PPP2R3A: variants seen among roughly 807,000 people sequenced by gnomAD.
The protein encoded by PPP2R3A is protein phosphatase 2 regulatory subunit B''alpha, also known as serine/threonine-protein phosphatase 2A regulatory subunit B'' subunit alpha.
In PPP2R3A, 80 loss-of-function variants were observed where a neutral mutation model predicts 106.9. That is an observed-to-expected ratio of 0.75 (90% confidence interval 0.62 to 0.90). The LOEUF is 0.90. Ranked by LOEUF, PPP2R3A falls within the 40% of genes least tolerant of loss-of-function variation. PPP2R3A has a pLI of 0.00. For synonymous variants in PPP2R3A, 483 were observed against 468.3 expected (o/e 1.03, Z -0.41); for missense variants, 1,386 against 1,350.4 (o/e 1.03, Z -0.41).
In PPP2R3A at chr3:136,002,273, G is replaced by A. The variant is rs1933657441; in HGVS notation, c.775G>A (p.Gly259Arg). Residue 259 changes from glycine to arginine, a missense_variant, in exon 2 of 14, where the codon GGG (glycine) becomes AGG (arginine). Physicochemically the swap from Gly to Arg is moderately radical, Grantham distance 125. Transcript: ENST00000264977. ...AAAACAATGCATAAAGAAAAAATCA[G>A]GGAGTAGCATCAGTGAAGGAAGTGG... ...IIKQCIKKKSGSSISEGSGND... is the reference protein window; with the variant it reads ...IIKQCIKKKSRSSISEGSGND... 1 of 1,613,870 alleles carries A rather than the reference G, an allele frequency of 6.2e-7. No individual in the cohort carries two copies.
At chr3:136,118,323 C>T (rs1282342324) in intron 13 of PPP2R3A, among the ~76,000 whole-genome samples, 1 of 152,150 alleles carries the variant, frequency 6.6e-6, no homozygotes, top group Non-Finnish European at 1.5e-5. Context: ...CAGCACGAGA[C>T]AAGGATGTCC....
intron 5 of PPP2R3A, among the ~76,000 whole-genome samples, chr3:136,053,413 C>T (rs1266550851): frequency 6.6e-6 from 1 of 151,518 alleles, no homozygotes. Context: ...AAAACCACAA[C>T]CCAGAATCAG....
chr3:136,043,146 C>G (rs1935347215), intron 4 of PPP2R3A, among the ~76,000 whole-genome samples: 1 of 151,648 alleles, frequency 6.6e-6, no homozygotes, highest in African/African-American at 2.4e-5. Flanking sequence ...AAAAAAGAGT[C>G]AAATATAAAA....
chr3:135,983,881 G>A (rs1234672825), intron 1 of PPP2R3A, among the ~76,000 whole-genome samples: 2 of 152,164 alleles, frequency 1.3e-5, no homozygotes, highest in Non-Finnish European at 2.9e-5. Flanking sequence ...TCAGAGAGAG[G>A]TAGCACTTAA....
intron 2 of PPP2R3A, among the ~76,000 whole-genome samples, chr3:136,006,142 G>C (rs1053144318): frequency 6.6e-6 from 1 of 152,146 alleles, no homozygotes; most frequent in African/African-American, 2.4e-5. Flanking sequence ...TTTTTGACAA[G>C]TAATGGACTG....
chr3:136,005,325 A>T (rs746925673), intron 2 of PPP2R3A, among the ~76,000 whole-genome samples: 2 of 152,096 alleles, frequency 1.3e-5, no homozygotes, highest in Non-Finnish European at 2.9e-5. Flanking sequence ...AATCTAAAAC[A>T]CTTCTAGTCA....
intron 2 of PPP2R3A, among the ~76,000 whole-genome samples, chr3:136,008,361 C>T (rs1933917891): frequency 6.6e-6 from 1 of 152,170 alleles, no homozygotes; most frequent in South Asian, 2.1e-4. Flanking sequence ...TTCTCTCCTC[C>T]TCTCAATTGC....
chr3:136,070,566 TC>T lies in PPP2R3A; in HGVS notation c.2544+15del. 1 of 1,592,128 alleles carries T rather than the reference TC, an allele frequency of 6.3e-7. No individual in the cohort carries two copies. On this transcript the variant is annotated intron_variant, in intron 6 of 13. Transcript: ENST00000264977. ...TACATCACCACGGTAGGCTGAGTCA[TC>T]TTTTTTCTTAATATAACTCCATAAG...
chr3:136,082,308 C>T lies in PPP2R3A; in HGVS notation c.2675C>T (p.Thr892Ile). The change falls in exon 8 of 14, where the codon ACA becomes ATA. Residue 892 changes from threonine to isoleucine, a missense_variant. Physicochemically the swap from Thr to Ile is moderately conservative, Grantham distance 89. Coordinates refer to ENST00000264977, the MANE Select transcript of PPP2R3A (RefSeq NM_002718.5). ...GAAGAGGAAGATATAAACCAAATTA[C>T]AGATTACTTCTCCTATGAACATTTC... is the stretch of plus-strand genomic sequence containing the variant. The part of the protein sequence containing the change: ...LEEEEDINQI[T>I]DYFSYEHFYV... 1 of 1,600,404 alleles carries T rather than the reference C, an allele frequency of 6.2e-7. No individual in the cohort carries two copies. Among genetic ancestry groups the T allele is most frequent in the Non-Finnish European group, 8.6e-7 (1 of 1,167,564 alleles).
intron 5 of PPP2R3A, among the ~76,000 whole-genome samples, chr3:136,056,149 A>G (rs1300442935): frequency 6.6e-6 from 1 of 152,200 alleles, no homozygotes; most frequent in Non-Finnish European, 1.5e-5. Flanking sequence ...ATCCTACATA[A>G]TACCTGAGTA....
At chr3:136,069,723 G>A (rs1428358936) in intron 5 of PPP2R3A, among the ~76,000 whole-genome samples, 2 of 152,184 alleles carry the variant, frequency 1.3e-5, no homozygotes, top group Non-Finnish European at 2.9e-5. Context: ...GTCTGTTGAT[G>A]ACAAGCCAGT....
intron 13 of PPP2R3A, among the ~76,000 whole-genome samples, chr3:136,124,828 G>A (rs1187816134): frequency 1.3e-5 from 2 of 151,934 alleles, no homozygotes; most frequent in Non-Finnish European, 2.9e-5. Flanking sequence ...ATCACAGTAG[G>A]TACTACAGAA....
At chr3:135,989,945 TAC>T (rs1933085134) in intron 1 of PPP2R3A, among the ~76,000 whole-genome samples, 3 of 152,218 alleles carry the variant, frequency 2.0e-5, no homozygotes, top group Non-Finnish European at 1.5e-5. Flanking sequence ...AAAGGATATT[TAC>T]AAAAATGTTC....
At chr3:136,059,916 G>A (rs1403445370) in intron 5 of PPP2R3A, among the ~76,000 whole-genome samples, 1 of 152,172 alleles carries the variant, frequency 6.6e-6, no homozygotes, top group Non-Finnish European at 1.5e-5. Flanking sequence ...ACTTATAAGT[G>A]GGAGCTAAAT....
intron 4 of PPP2R3A, among the ~76,000 whole-genome samples, chr3:136,046,551 A>C (rs1156739775): frequency 6.6e-6 from 1 of 152,210 alleles, no homozygotes; most frequent in Non-Finnish European, 1.5e-5. Flanking sequence ...CTCAGCTTGC[A>C]CCACAGTCAA....
At chr3:136,137,533 G>GTTTTTTTTTTTTTTTTTT (rs1559941176) in intron 13 of PPP2R3A, among the ~76,000 whole-genome samples, 3 of 38,438 alleles carry the variant, frequency 7.8e-5, no homozygotes, top group Non-Finnish European at 1.8e-4. Flanking sequence ...CTCTGTCAGA[G>GTTTTTTTTTTTTTTTTTT]ATTTTTTTTT....
chr3:136,078,621 G>A (rs1319954276), intron 7 of PPP2R3A, among the ~76,000 whole-genome samples, 168 bp downstream of exon 7: 1 of 150,906 alleles, frequency 6.6e-6, no homozygotes, highest in Non-Finnish European at 1.5e-5. Context: ...TGGGTGAGGG[G>A]GTAAAAATGA....
intron 2 of PPP2R3A, among the ~76,000 whole-genome samples, chr3:136,026,168 A>G (rs1353279746): frequency 2.0e-5 from 3 of 152,176 alleles, no homozygotes; most frequent in Non-Finnish European, 4.4e-5. Flanking sequence ...ATTAATGACC[A>G]TGGTTTTTGC....
chr3:136,049,466 T>G, intron 5 of PPP2R3A, 105 bp downstream of exon 5: 1 of 733,184 alleles, frequency 1.4e-6, no homozygotes, highest in Non-Finnish European at 2.2e-6. Flanking sequence ...CAGATCTAGA[T>G]ATCAGATTCT....
Sources: gnomAD v4.1 joint callset for allele counts (sites outside exome capture counted in the v4.1 genomes callset) on GRCh38, gnomAD v4.1.1 for gene constraint, MANE v1.5 for transcripts, NCBI Gene and HGNC (gene_info 2026-07-23, HGNC 2026-07-21) for gene names.